Variants in RC3H1 observed in about 807,000 individuals in gnomAD.
RC3H1 encodes the protein ring finger and CCCH-type domains 1.
A neutral mutation model predicts 138.2 loss-of-function variants in RC3H1; 50 were observed. That is an observed-to-expected ratio of 0.36 (90% CI 0.29 to 0.46). The LOEUF (loss-of-function observed/expected upper bound fraction) is 0.46. RC3H1 is among the 20% of genes least tolerant of loss of function. RC3H1 has a pLI of 1.00. For missense variants in RC3H1, 1,031 were observed against 1,388.1 expected, an observed-to-expected ratio of 0.74 and a Z score of 4.09; for synonymous variants, 462 against 489.1, an observed-to-expected ratio of 0.94 and a Z score of 0.73.
chr1:173,945,752 G>T (rs1305738220), intron 17 of RC3H1, among the ~76,000 whole-genome samples: 1 of 151,806 alleles, frequency 6.6e-6, no homozygotes, highest in East Asian at 2.0e-4. Context: ...CTGTAGCCTG[G>T]GCTGGAGTGC....
Position 173,961,927 on chromosome 1 carries a change from G to A in RC3H1, c.2000C>T (p.Pro667Leu). ...TQPQQYPPIY[P>L]SHYDGRRVYP... ...CACTCGACGGCCATCATAGTGAGAT[G>A]GGTATATAGGTGGGTACTGCTGTGG... Residue 667 changes from proline (P) to leucine (L), a missense_variant, in exon 12 of 20, where the codon CCA becomes CTA. Around this residue, in one of 7 missense-constraint regions of RC3H1, gnomAD observed 716 missense variants for 837.9 expected, o/e 0.85. Coordinates refer to ENST00000367696, the MANE Select transcript of RC3H1 (RefSeq NM_172071.4). 6.2e-7 allele frequency: 1 copy of A among 1,614,096 alleles called. No individual in the cohort carries two copies. Among genetic ancestry groups the A allele is most frequent in the Non-Finnish European group, 8.5e-7 (1 of 1,179,960 alleles).
At chr1:174,004,524 G>A (rs928916397) in intron 1 of RC3H1, among the ~76,000 whole-genome samples, 3 of 152,028 alleles carry the variant, frequency 2.0e-5, no homozygotes, top group Admixed American at 1.3e-4. Context: ...CACTTGGCAG[G>A]GCCAGGGGCA....
intron 7 of RC3H1, among the ~76,000 whole-genome samples, chr1:173,973,028 G>A (rs1460424928): frequency 6.6e-6 from 1 of 152,184 alleles, no homozygotes; most frequent in Non-Finnish European, 1.5e-5. Context: ...GGCTGGCACT[G>A]CCAGATACAT....
chr1:173,973,345 G>T (rs1445972949), intron 7 of RC3H1, among the ~76,000 whole-genome samples: 5 of 152,086 alleles, frequency 3.3e-5, no homozygotes, highest in African/African-American at 1.2e-4. Flanking sequence ...AGACCATCCT[G>T]GCCAGCATTG....
intron 1 of RC3H1, among the ~76,000 whole-genome samples, chr1:174,004,040 T>C (rs968239738): frequency 1.1e-4 from 17 of 147,934 alleles, no homozygotes; most frequent in Admixed American, 3.4e-4. Flanking sequence ...AAAATTATTT[T>C]ATATATATGA....
At chr1:173,944,031 T>C (rs1177171836) in intron 17 of RC3H1, among the ~76,000 whole-genome samples, 2 of 151,688 alleles carry the variant, frequency 1.3e-5, no homozygotes, top group African/African-American at 4.8e-5. Context: ...AAAATTAGCC[T>C]GGGATGGTGG....
chr1:173,949,468 A>C (rs1435121686), intron 14 of RC3H1, among the ~76,000 whole-genome samples: 1 of 151,806 alleles, frequency 6.6e-6, no homozygotes, highest in East Asian at 1.9e-4. Context: ...TCCCAGGTTC[A>C]AGCAATTCTC....
intron 1 of RC3H1, among the ~76,000 whole-genome samples, chr1:174,004,403 T>G (rs1044169039): frequency 1.3e-5 from 2 of 152,118 alleles, no homozygotes; most frequent in Admixed American, 6.5e-5. Flanking sequence ...CGTGAGCCAC[T>G]GTGCCTGGCC....
intron 16 of RC3H1, 54 bp downstream of exon 16, chr1:173,946,692 G>A: frequency 6.3e-7 from 1 of 1,592,938 alleles, no homozygotes; most frequent in South Asian, 1.1e-5. Flanking sequence ...AAAAGAAGTT[G>A]CCTAATTTTA....
intron 1 of RC3H1, among the ~76,000 whole-genome samples, chr1:174,018,121 G>A (rs746614022): frequency 6.6e-6 from 1 of 152,104 alleles, no homozygotes; most frequent in Non-Finnish European, 1.5e-5. Flanking sequence ...AGGCTGAAGT[G>A]AGCTATGATA....
chr1:173,970,625 C>A lies in RC3H1; in HGVS notation c.1222-8G>T. The A allele has an allele frequency of 6.3e-7, 1 of 1,587,970 alleles. No homozygotes were observed. The highest frequency in any genetic ancestry group is 1.1e-5 in the South Asian group (1 of 89,528). ...TTTGCTATGCTGTGGAGGCTAAAAC[C>A]AAAATCAAAACATTAGATGTGTAAT... On this transcript the variant is annotated splice_region_variant and splice_polypyrimidine_tract_variant and intron_variant, in intron 8 of 19. Transcript: ENST00000367696.
At chr1:174,007,932 A>C (rs1387672900) in intron 1 of RC3H1, among the ~76,000 whole-genome samples, 2 of 152,196 alleles carry the variant, frequency 1.3e-5, no homozygotes, top group African/African-American at 2.4e-5. Flanking sequence ...GTTGAACTGG[A>C]AGGAACAAAA....
intron 1 of RC3H1, among the ~76,000 whole-genome samples, chr1:174,007,938 C>T (rs373206824): frequency 6.6e-6 from 1 of 152,092 alleles, no homozygotes; most frequent in East Asian, 1.9e-4. Flanking sequence ...CTGGAAGGAA[C>T]AAAAATGAGT....
rs777152484 is a variant in RC3H1 at position 173,983,469 on chromosome 1, A to G, written c.541T>C (p.Ser181Pro). 6.2e-7 allele frequency: 1 copy of G among 1,614,212 alleles called. No individual in the cohort carries two copies. The highest frequency in any genetic ancestry group is 1.1e-5 in the South Asian group (1 of 91,086). ...GCCCTTACTGCTGCCCAAAGATTGG[A>G]AGAGAGTTGCTGAGGATTCTGGTGC... ...LQHQNPQQLSSNLWAAVRARG... is the reference protein window; with the variant it reads ...LQHQNPQQLSPNLWAAVRARG... Residue 181 changes from serine (S) to proline (P), a missense_variant, in exon 4 of 20, where the codon TCC becomes CCC. This residue lies in a region of RC3H1 where 53 missense variants were observed against 137.4 expected (regional missense o/e 0.39). Transcript: ENST00000367696.
At chr1:174,015,705 G>A (rs1046251340) in intron 1 of RC3H1, 2 of 151,174 alleles carry the variant, frequency 1.3e-5, no homozygotes, top group African/African-American at 4.9e-5. Flanking sequence ...AATACAGATG[G>A]GGTCTCACTA....
intron 8 of RC3H1, 105 bp from the exon 9 acceptor site, chr1:173,970,722 A>G (rs1465263723): frequency 4.5e-6 from 3 of 661,366 alleles, no homozygotes; most frequent in East Asian, 2.9e-5. Context: ...AGTAATTCAC[A>G]TATTTATTTA....
Position 173,943,452 on chromosome 1 carries a change from T to A in RC3H1, c.3125A>T (p.Glu1042Val). ...VEREIGKRTR[E>V]LSMENQCSLD... ...CACCATAACACTCACCATACTCAGT[T>A]CCCGTGTTCTCTTCCCGATTTCCCT... Residue 1042 changes from glutamate (E) to valine (V), a missense_variant, in exon 18 of 20, where the codon GAA becomes GTA. Physicochemically the swap from Glu to Val is moderately radical, Grantham distance 121 (BLOSUM62 -2). Coordinates refer to ENST00000367696, the MANE Select transcript of RC3H1 (RefSeq NM_172071.4). The A allele has an allele frequency of 6.2e-7, 1 of 1,613,026 alleles. No individual in the cohort carries two copies. Among genetic ancestry groups the A allele is most frequent in the African/African-American group, 1.3e-5 (1 of 75,030 alleles).
rs1243665223 is a variant in RC3H1, at chr1:173,934,987, G to A, written c.*3734C>T. 6.6e-6 allele frequency: 1 copy of A among 151,834 alleles called. No homozygotes were observed. The highest frequency in any genetic ancestry group is 1.5e-5 in the Non-Finnish European group (1 of 67,990). The allele number at this position is 151,834 out of a possible 1,614,324, so 9.4% of individuals were successfully genotyped here. On this transcript the variant is annotated 3_prime_UTR_variant, in exon 20 of 20. Transcript: ENST00000367696. Reference sequence around the variant, plus strand: ...AAAGAATAGAAGGGAAGGGAAATAAGATGGGAGAAAGGAATCACCAACATT... The same window carrying A: ...AAAGAATAGAAGGGAAGGGAAATAAAATGGGAGAAAGGAATCACCAACATT...
Position 173,931,320 on chromosome 1 carries a change from C to T in RC3H1, c.*7401G>A, listed in dbSNP as rs138581314. 6.6e-5 allele frequency: 10 copies of T among 152,328 alleles called. No individual in the cohort carries two copies. Among genetic ancestry groups the T allele is most frequent in the Admixed American group, 1.3e-4 (2 of 15,298 alleles). The allele number at this position is 152,328 out of a possible 1,614,324, so 9.4% of individuals were successfully genotyped here. The stretch of plus-strand genomic sequence containing the variant: ...CCAAAAGGTGAATCACCTCCTTCTA[C>T]TTGTTAAAATAAATCATTTTATCTG... On this transcript the variant is annotated 3_prime_UTR_variant, in exon 20 of 20. Transcript: ENST00000367696.
Sources: gnomAD v4.1 joint callset for allele counts (sites outside exome capture counted in the v4.1 genomes callset) on GRCh38, gnomAD v4.1.1 for gene constraint, gnomAD v4.1.1 regional missense constraint, MANE v1.5 for transcripts, NCBI Gene and HGNC (gene_info 2026-07-23, HGNC 2026-07-21) for gene names.